The following CYTH1 variants were observed in gnomAD, a reference collection of about 807,000 sequenced individuals.
CYTH1 encodes the protein cytohesin 1.
CYTH1 carries 18 observed loss-of-function variants against 61.8 expected under a neutral mutation model. That is an observed-to-expected ratio of 0.29 (90% confidence interval 0.20 to 0.43). The LOEUF (loss-of-function observed/expected upper bound fraction) is 0.43. Among genes scored for constraint, CYTH1 ranks in the 20% least tolerant of loss-of-function variants. CYTH1 has a pLI of 1.00. For synonymous variants in CYTH1, 174 were observed against 184.3 expected, an observed-to-expected ratio of 0.94 and a Z score of 0.45; for missense variants, 336 against 510.5, an observed-to-expected ratio of 0.66 and a Z score of 3.29.
In CYTH1 at chr17:78,727,511, C is replaced by T. The variant is rs74001216; in HGVS notation, c.23-17779G>A. 710 of 314,558 alleles carry T rather than the reference C, an allele frequency of 2.3e-3. 5 individuals are homozygous for T. Among genetic ancestry groups the T allele is most frequent in the African/African-American group, 0.014 (652 of 45,516 alleles). The allele number at this position is 314,558 out of a possible 1,614,324, so 19.5% of individuals were successfully genotyped here. A position where few individuals can be genotyped will look rare whatever the true frequency, so the allele number is the denominator to read the frequency against. Reference sequence around the variant, plus strand: ...GCACCTCAAAATAGAAACAAACTGGCTCCCTGTTCCAGACATCACCCTTAC... The same window carrying T: ...GCACCTCAAAATAGAAACAAACTGGTTCCCTGTTCCAGACATCACCCTTAC... On this transcript the variant is annotated intron_variant, in intron 1 of 13. Transcript: ENST00000446868.
intron 1 of CYTH1, among the ~76,000 whole-genome samples, chr17:78,721,937 C>T (rs1247327318): frequency 6.6e-6 from 1 of 152,124 alleles, no homozygotes; most frequent in Non-Finnish European, 1.5e-5. Context: ...ATCCCAGCTA[C>T]TTGGGAGGCT....
chr17:78,676,194 C>A (rs1437611264), intron 13 of CYTH1, 25 bp from the exon 14 acceptor site: 3 of 1,591,506 alleles, frequency 1.9e-6, no homozygotes, highest in Non-Finnish European at 2.6e-6. Context: ...AGGGAGAAAA[C>A]AGAGACGTGA....
intron 13 of CYTH1, chr17:78,678,609 C>A (rs1239992827): frequency 6.6e-6 from 1 of 152,086 alleles, no homozygotes; most frequent in Non-Finnish European, 1.5e-5. Flanking sequence ...ACCGGTCCCC[C>A]ACAACACTGC....
At chr17:78,680,374 G>A (rs1156284883) in intron 12 of CYTH1, 30 bp from the exon 13 acceptor site, 7 of 1,585,754 alleles carry the variant, frequency 4.4e-6, no homozygotes, top group Non-Finnish European at 6.0e-6. Flanking sequence ...GGGAGAGAGT[G>A]GAGCAAAGGA....
intron 1 of CYTH1, among the ~76,000 whole-genome samples, chr17:78,762,891 C>T (rs1305344995): frequency 6.6e-6 from 1 of 152,098 alleles, no homozygotes; most frequent in Non-Finnish European, 1.5e-5. Flanking sequence ...ACATTTTGGC[C>T]CAGTGAGACC....
At chr17:78,702,483 C>T in intron 4 of CYTH1, 55 bp downstream of exon 4, 1 of 1,571,898 alleles carries the variant, frequency 6.4e-7, no homozygotes, top group Non-Finnish European at 8.7e-7. Flanking sequence ...TCTATCTGAG[C>T]ACTATAAAAA....
At chr17:78,692,103 A>G (rs2092893046) in intron 11 of CYTH1, 1 of 284,352 alleles carries the variant, frequency 3.5e-6, no homozygotes, top group East Asian at 8.5e-5. Context: ...TCGGCAACCA[A>G]TGCAAATTCA....
chr17:78,709,313 C>G (rs1438185179), intron 2 of CYTH1: 1 of 238,680 alleles, frequency 4.2e-6, no homozygotes, highest in Non-Finnish European at 8.0e-6. Context: ...TCGCCTGAAG[C>G]CCACATTCTC....
At chr17:78,777,054 G>A (rs922057228) in intron 1 of CYTH1, among the ~76,000 whole-genome samples, 1 of 151,990 alleles carries the variant, frequency 6.6e-6, no homozygotes, top group African/African-American at 2.4e-5. Flanking sequence ...GAATCTGGGA[G>A]GCGGAGGTTG....
At chr17:78,766,589 T>C (rs772480793) in intron 1 of CYTH1, among the ~76,000 whole-genome samples, 13 of 152,250 alleles carry the variant, frequency 8.5e-5, no homozygotes, top group Non-Finnish European at 1.3e-4. Flanking sequence ...ATTTCAACCC[T>C]AAGATTAACA....
At chr17:78,729,073 A>G (rs1598889268) in intron 1 of CYTH1, among the ~76,000 whole-genome samples, 1 of 152,188 alleles carries the variant, frequency 6.6e-6, no homozygotes, top group East Asian at 1.9e-4. Context: ...AATTCACAAA[A>G]CATATGACAA....
intron 3 of CYTH1, among the ~76,000 whole-genome samples, chr17:78,707,289 AATTG>A (rs1411337663): frequency 2.6e-5 from 4 of 152,200 alleles, no homozygotes; most frequent in African/African-American, 9.6e-5. Flanking sequence ...ACATGTAGTG[AATTG>A]GAAACAGCTC....
intron 1 of CYTH1, among the ~76,000 whole-genome samples, chr17:78,740,261 G>A (rs1181642844): frequency 2.0e-5 from 3 of 152,126 alleles, no homozygotes. Context: ...CTGATATGCT[G>A]CCAACCAGGT....
At chr17:78,776,488 C>A (rs1359783855) in intron 1 of CYTH1, among the ~76,000 whole-genome samples, 3 of 151,742 alleles carry the variant, frequency 2.0e-5, no homozygotes, top group African/African-American at 7.3e-5. Flanking sequence ...GAAACCCCAT[C>A]TCTACTAAAA....
In CYTH1 at chr17:78,746,661, G is replaced by T. The variant is rs112574295; in HGVS notation, c.22+35541C>A. Among the ~76,000 whole-genome samples, 505 of 152,260 alleles carry T rather than the reference G, an allele frequency of 3.3e-3. 3 individuals carry two copies. Among genetic ancestry groups the T allele is most frequent in the Non-Finnish European group, 3.4e-3 (234 of 68,030 alleles). On this transcript the variant is annotated intron_variant, in intron 1 of 13. Coordinates refer to ENST00000446868, the MANE Select transcript of CYTH1 (RefSeq NM_004762.6). ...ACTCATCAGAGTAATAATTTGAAAG[G>T]CCAGGTGTGATGGCTCGTGCCTATA... is the stretch of plus-strand genomic sequence containing the variant.
chr17:78,754,192 A>G (rs2093391791), intron 1 of CYTH1, among the ~76,000 whole-genome samples: 1 of 152,224 alleles, frequency 6.6e-6, no homozygotes, highest in Admixed American at 6.5e-5. Context: ...TGATGCTGAC[A>G]GAACTTTCCA....
chr17:78,755,014 C>G (rs1035351267), intron 1 of CYTH1, among the ~76,000 whole-genome samples: 1 of 151,962 alleles, frequency 6.6e-6, no homozygotes, highest in African/African-American at 2.4e-5. Flanking sequence ...ATGAATGTTC[C>G]CAGCAGTTTT....
At chr17:78,754,509 A>G (rs1165441382) in intron 1 of CYTH1, among the ~76,000 whole-genome samples, 5 of 151,538 alleles carry the variant, frequency 3.3e-5, no homozygotes, top group South Asian at 4.2e-4. Context: ...GTGCCAAACT[A>G]ATTTTTTTCT....
chr17:78,685,070 G>A (rs1434851080), intron 11 of CYTH1, among the ~76,000 whole-genome samples: 4 of 151,892 alleles, frequency 2.6e-5, no homozygotes, highest in Non-Finnish European at 4.4e-5. Context: ...GTGGTGGCAC[G>A]TGCCTGTAAT....
Sources: allele counts gnomAD v4.1 joint callset (sites outside exome capture counted in the v4.1 genomes callset), GRCh38; gene constraint gnomAD v4.1.1; transcripts MANE v1.5; gene names NCBI Gene and HGNC (gene_info 2026-07-23, HGNC 2026-07-21).